Variants in CLASP2 observed in about 807,000 individuals in gnomAD.
CLASP2 encodes the protein CLIP-associating protein 2.
Under a neutral mutation model 194.4 loss-of-function variants are expected in CLASP2, and 47 were observed. That is an observed-to-expected ratio of 0.24 (90% confidence interval 0.19 to 0.31). The LOEUF is 0.31. CLASP2 is among the 10% of genes least tolerant of loss of function. The probability of loss-of-function intolerance (pLI) is 1.00; values close to 1 mark genes in which losing one functional copy is unlikely to be tolerated. For synonymous variants in CLASP2, 619 were observed against 633.5 expected, an observed-to-expected ratio of 0.98 and a Z score of 0.34; for missense variants, 1,445 against 1,823.6, an observed-to-expected ratio of 0.79 and a Z score of 3.78.
rs151179056 is a variant in CLASP2, at chr3:33,696,614, C to A, written c.274+241G>T. On this transcript the variant is annotated intron_variant, in intron 2 of 38. Transcript: ENST00000682230. The stretch of plus-strand genomic sequence containing the variant: ...CCAAGTAGCTGGGATTACAGGCACA[C>A]GCCATCACACCTGGCTAATTTTTGT... Among the ~76,000 whole-genome samples, 626 of 151,802 alleles carry A rather than the reference C, an allele frequency of 4.1e-3. 6 individuals are homozygous for A. Among genetic ancestry groups the A allele is most frequent in the African/African-American group, 0.014 (566 of 41,436 alleles).
intron 1 of CLASP2, among the ~76,000 whole-genome samples, chr3:33,700,436 C>CA (rs1017743314): frequency 2.6e-5 from 4 of 151,766 alleles, no homozygotes; most frequent in Non-Finnish European, 5.9e-5. Context: ...AACAAACAAA[C>CA]AAAAAAACCT....
At chr3:33,540,229 C>CA (rs1212038861) in intron 32 of CLASP2, among the ~76,000 whole-genome samples, 11 of 115,108 alleles carry the variant, frequency 9.6e-5, no homozygotes, top group African/African-American at 3.7e-4. Context: ...TGTGACTGGC[C>CA]AAATTTTTTT....
In CLASP2 at chr3:33,718,011, C is replaced by T; in HGVS notation, c.-9G>A. On this transcript the variant is annotated 5_prime_UTR_variant, in exon 1 of 39. Transcript: ENST00000682230. Reference sequence around the variant, plus strand: ...ATGCTGCGGGGCTCCATGGCTGCGGCCGCCCGCCCGCCTGCCAGTCTGTGA... The same window carrying T: ...ATGCTGCGGGGCTCCATGGCTGCGGTCGCCCGCCCGCCTGCCAGTCTGTGA... The T allele has an allele frequency of 1.4e-6, 2 of 1,456,410 alleles. No homozygotes were observed. The highest frequency in any genetic ancestry group is 9.0e-7 in the Non-Finnish European group (1 of 1,111,422). The allele number at this position is 1,456,410 out of a possible 1,614,324, so 90.2% of individuals were successfully genotyped here.
chr3:33,671,841 T>C (rs1181304912), intron 6 of CLASP2, among the ~76,000 whole-genome samples: 1 of 152,136 alleles, frequency 6.6e-6, no homozygotes, highest in Non-Finnish European at 1.5e-5. Flanking sequence ...CACTGATTGC[T>C]AGCACAGCAG....
intron 9 of CLASP2, among the ~76,000 whole-genome samples, chr3:33,631,286 C>T (rs2079036769): frequency 6.6e-6 from 1 of 152,198 alleles, no homozygotes; most frequent in African/African-American, 2.4e-5. Flanking sequence ...ACTGGTAAAA[C>T]AACCCTACAG....
chr3:33,716,909 G>A (rs1212243710), intron 1 of CLASP2, among the ~76,000 whole-genome samples: 1 of 152,174 alleles, frequency 6.6e-6, no homozygotes, highest in African/African-American at 2.4e-5. Context: ...ATGTTACTAA[G>A]AAGAATCACT....
chr3:33,527,127 CTGAAA>C (rs1409177102), intron 34 of CLASP2, among the ~76,000 whole-genome samples: 1 of 152,004 alleles, frequency 6.6e-6, no homozygotes, highest in Non-Finnish European at 1.5e-5. Context: ...AAAATCAGAG[CTGAAA>C]TGAAAGAAAT....
At chr3:33,639,086 G>C (rs2080788324) in intron 8 of CLASP2, among the ~76,000 whole-genome samples, 1 of 152,086 alleles carries the variant, frequency 6.6e-6, no homozygotes, top group Non-Finnish European at 1.5e-5. Flanking sequence ...TGGAGACAAG[G>C]TCTCGCTGTC....
At chr3:33,508,764 A>G (rs2048986203) in intron 37 of CLASP2, among the ~76,000 whole-genome samples, 1 of 152,234 alleles carries the variant, frequency 6.6e-6, no homozygotes, top group African/African-American at 2.4e-5. Context: ...CTTTCTCTTT[A>G]TTAACCAATT....
intron 10 of CLASP2, among the ~76,000 whole-genome samples, chr3:33,625,735 A>G (rs957366590): frequency 1.3e-5 from 2 of 152,024 alleles, no homozygotes; most frequent in African/African-American, 4.8e-5. Context: ...ACAGTGGTAC[A>G]ATCATAGCTC....
At chr3:33,628,228 A>G (rs2078409416) in intron 9 of CLASP2, among the ~76,000 whole-genome samples, 1 of 152,202 alleles carries the variant, frequency 6.6e-6, no homozygotes. Flanking sequence ...CTGAAGAGGT[A>G]GATGGTGACC....
chr3:33,584,260 G>A (rs2066837018), intron 22 of CLASP2, among the ~76,000 whole-genome samples: 1 of 150,588 alleles, frequency 6.6e-6, no homozygotes, highest in African/African-American at 2.4e-5. Context: ...ATGAATTATA[G>A]GGTTTGTTTG....
At chr3:33,616,642 AAC>A (rs1284707061) in intron 12 of CLASP2, among the ~76,000 whole-genome samples, 2 of 149,884 alleles carry the variant, frequency 1.3e-5, no homozygotes, top group Non-Finnish European at 2.9e-5. Flanking sequence ...TATCCATAGA[AAC>A]ACATTAAAAA....
chr3:33,600,815 C>T (rs908586253), intron 18 of CLASP2, among the ~76,000 whole-genome samples: 2 of 151,992 alleles, frequency 1.3e-5, no homozygotes, highest in Non-Finnish European at 2.9e-5. Context: ...ATGCTAATAA[C>T]GTTATTAAAA....
intron 1 of CLASP2, among the ~76,000 whole-genome samples, chr3:33,707,619 C>A (rs1489511892): frequency 6.6e-6 from 1 of 152,142 alleles, no homozygotes; most frequent in Non-Finnish European, 1.5e-5. Context: ...TTCCATATCT[C>A]ATGTGTCTCC....
chr3:33,654,032 C>CAAAAAAAAAAAAAAAAAAAA (rs11456253), intron 7 of CLASP2, among the ~76,000 whole-genome samples: 1 of 118,670 alleles, frequency 8.4e-6, no homozygotes, highest in African/African-American at 3.0e-5. Flanking sequence ...TCTGAACTGT[C>CAAAAAAAAAAAAAAAAAAAA]AAAAAAAAAA....
intron 7 of CLASP2, among the ~76,000 whole-genome samples, chr3:33,661,841 G>C (rs892058134): frequency 6.6e-6 from 1 of 152,144 alleles, no homozygotes; most frequent in East Asian, 1.9e-4. Context: ...ATAAAAACAG[G>C]GAAGAGGAGG....
chr3:33,706,513 A>C (rs1352958074), intron 1 of CLASP2, among the ~76,000 whole-genome samples: 3 of 152,206 alleles, frequency 2.0e-5, no homozygotes, highest in Non-Finnish European at 1.5e-5. Context: ...TACAGACAAA[A>C]ACAAAACTCT....
intron 26 of CLASP2, 138 bp downstream of exon 26, chr3:33,570,589 C>T: frequency 2.7e-6 from 3 of 1,099,222 alleles, no homozygotes; most frequent in South Asian, 1.4e-5. Context: ...ACGTATGATA[C>T]CAAACAATTT....
Sources: allele counts gnomAD v4.1 joint callset (sites outside exome capture counted in the v4.1 genomes callset), GRCh38; gene constraint gnomAD v4.1.1; transcripts MANE v1.5; gene names NCBI Gene and HGNC (gene_info 2026-07-23, HGNC 2026-07-21).